Variants in TCERG1L observed in about 807,000 individuals in gnomAD.
The protein encoded by TCERG1L is transcription elongation regulator 1-like protein.
Under a neutral mutation model 56.3 loss-of-function variants are expected in TCERG1L, and 37 were observed. The ratio of observed to expected loss-of-function variants is 0.66; its 90% confidence interval spans 0.51 to 0.87. The LOEUF (loss-of-function observed/expected upper bound fraction) is 0.87, where lower values mean the gene tolerates loss of function less well. Ranked by LOEUF, TCERG1L falls within the 40% of genes least tolerant of loss-of-function variation. The pLI, the probability that TCERG1L is intolerant of heterozygous loss-of-function variation, is 0.00. For synonymous variants in TCERG1L, 324 were observed against 326.3 expected (o/e 0.99, Z 0.08); for missense variants, 799 against 774.2 (o/e 1.03, Z -0.38).
At chr10:131,191,393 T>C (rs1845299472) in intron 4 of TCERG1L, among the ~76,000 whole-genome samples, 1 of 143,740 alleles carries the variant, frequency 7.0e-6, no homozygotes, top group Non-Finnish European at 1.5e-5. Context: ...CTAAAATTCA[T>C]ATGGAACCAA....
chr10:131,190,483 A>C (rs1845291629), intron 4 of TCERG1L, among the ~76,000 whole-genome samples: 1 of 104,176 alleles, frequency 9.6e-6, no homozygotes, highest in South Asian at 2.4e-4. Flanking sequence ...AAAACTGCAG[A>C]CCAATTTCCC....
At position 131,311,680 on chromosome 10, in the gene TCERG1L, C is replaced by T. The variant is rs1243499409; in HGVS notation, c.-45G>A. On this transcript the variant is annotated 5_prime_UTR_variant, in exon 1 of 12. Transcript: ENST00000368642. This position sits in a 1 kb window ranked among gnomAD's most constrained non-coding sequence, Gnocchi z 4.0. ...GGCGGCGGCGGGGGCGGCGGGCGCC[C>T]GAGATGCTGGGCCGGCGGCGGCGCG... 9.9e-7 allele frequency: 1 copy of T among 1,010,288 alleles called. No homozygotes were observed. Among genetic ancestry groups the T allele is most frequent in the Non-Finnish European group, 1.2e-6 (1 of 824,364 alleles). 62.6% of individuals were successfully genotyped at this position (1,010,288 alleles called of 1,614,324 possible).
intron 10 of TCERG1L, among the ~76,000 whole-genome samples, chr10:131,099,105 G>A (rs565077204): frequency 1.3e-4 from 20 of 152,242 alleles, no homozygotes; most frequent in Admixed American, 1.2e-3. Context: ...CCTGACCCTC[G>A]GGCACTGGGC....
At chr10:131,101,320 C>T (rs1256102915) in intron 10 of TCERG1L, among the ~76,000 whole-genome samples, 6 of 152,250 alleles carry the variant, frequency 3.9e-5, no homozygotes, top group Admixed American at 3.9e-4. Flanking sequence ...GTGTTCCCAG[C>T]TGTTCTAAGA....
intron 3 of TCERG1L, among the ~76,000 whole-genome samples, chr10:131,266,445 G>T (rs1449949523): frequency 6.6e-6 from 1 of 152,204 alleles, no homozygotes; most frequent in Non-Finnish European, 1.5e-5. Flanking sequence ...GTGACCAGGT[G>T]CGTTGTCAAT....
At chr10:131,160,348 C>T (rs1845963790) in intron 6 of TCERG1L, among the ~76,000 whole-genome samples, 2 of 152,234 alleles carry the variant, frequency 1.3e-5, no homozygotes, top group South Asian at 2.1e-4. Flanking sequence ...CTTGGCCATC[C>T]TTCCTCTGTG....
intron 4 of TCERG1L, among the ~76,000 whole-genome samples, chr10:131,240,818 G>A (rs74805569): frequency 0.019 from 2,964 of 152,318 alleles, 96 homozygotes; most frequent in African/African-American, 0.065. Flanking sequence ...AGAGAAACAC[G>A]GGCTTCTAGA....
chr10:131,254,109 C>G (rs1023930806), intron 4 of TCERG1L, among the ~76,000 whole-genome samples: 1 of 151,942 alleles, frequency 6.6e-6, no homozygotes, highest in Admixed American at 6.6e-5. Flanking sequence ...AGCGTCCAGG[C>G]AGAGGGGCCG....
At chr10:131,188,278 C>T (rs558544670) in intron 4 of TCERG1L, among the ~76,000 whole-genome samples, 7 of 152,226 alleles carry the variant, frequency 4.6e-5, no homozygotes, top group Middle Eastern at 3.4e-3. Context: ...ACTGAAGTGC[C>T]GCCTGACACA....
intron 9 of TCERG1L, among the ~76,000 whole-genome samples, chr10:131,108,897 G>A (rs1406275067): frequency 2.6e-5 from 4 of 152,208 alleles, no homozygotes; most frequent in Non-Finnish European, 4.4e-5. Flanking sequence ...GCGGCTGCCT[G>A]CAGGTCCTTG....
chr10:131,296,163 G>T (rs1846687550), intron 3 of TCERG1L, among the ~76,000 whole-genome samples: 1 of 151,766 alleles, frequency 6.6e-6, no homozygotes. Context: ...TCATGCTTTT[G>T]GTGTCATGTA....
chr10:131,203,900 C>T (rs995063959), intron 4 of TCERG1L, among the ~76,000 whole-genome samples: 8 of 152,182 alleles, frequency 5.3e-5, no homozygotes, highest in South Asian at 2.1e-4. Flanking sequence ...AGGGGAGAGG[C>T]GTGATGTCAC....
chr10:131,277,568 C>T (rs1349557624), intron 3 of TCERG1L, among the ~76,000 whole-genome samples: 3 of 152,232 alleles, frequency 2.0e-5, no homozygotes, highest in Non-Finnish European at 4.4e-5. Flanking sequence ...CTCCCAGACG[C>T]AGGCACTGTC....
At chr10:131,199,188 G>A (rs563237652) in intron 4 of TCERG1L, among the ~76,000 whole-genome samples, 231 of 152,208 alleles carry the variant, frequency 1.5e-3, no homozygotes, top group Non-Finnish European at 2.6e-3. Context: ...GCATCTGGCC[G>A]TGGCCTATCT....
chr10:131,122,728 G>C (rs774677646), intron 8 of TCERG1L, among the ~76,000 whole-genome samples: 1 of 152,200 alleles, frequency 6.6e-6, no homozygotes, highest in Non-Finnish European at 1.5e-5. Flanking sequence ...AAGGAGGGTG[G>C]TGAGAGCTCC....
chr10:131,227,498 AC>A (rs1845804295), intron 4 of TCERG1L, among the ~76,000 whole-genome samples: 1 of 152,152 alleles, frequency 6.6e-6, no homozygotes, highest in Admixed American at 6.5e-5. Context: ...TTCCCCGCAA[AC>A]CACACACCTA....
At chr10:131,233,788 G>C (rs772758800) in intron 4 of TCERG1L, among the ~76,000 whole-genome samples, 1 of 152,184 alleles carries the variant, frequency 6.6e-6, no homozygotes, top group African/African-American at 2.4e-5. Context: ...GATGAAATCT[G>C]ATCCTCAGTG....
At chr10:131,174,983 A>G (rs751306335) in intron 4 of TCERG1L, among the ~76,000 whole-genome samples, 8 of 150,932 alleles carry the variant, frequency 5.3e-5, no homozygotes, top group African/African-American at 2.0e-4. Flanking sequence ...CACCCCCGCA[A>G]TTGGTCTCTG....
intron 11 of TCERG1L, among the ~76,000 whole-genome samples, chr10:131,097,425 G>GC (rs1271545426): frequency 1.3e-5 from 2 of 152,116 alleles, no homozygotes; most frequent in Non-Finnish European, 2.9e-5. Context: ...AAGGCTCACT[G>GC]CAAGCTCCGC....
Sources: gnomAD v4.1 joint callset for allele counts (sites outside exome capture counted in the v4.1 genomes callset) on GRCh38, gnomAD v4.1.1 for gene constraint, Gnocchi (gnomAD v3.1) non-coding constraint, MANE v1.5 for transcripts, NCBI Gene and HGNC (gene_info 2026-07-23, HGNC 2026-07-21) for gene names.